RBFOX1: variants seen among roughly 807,000 people sequenced by gnomAD.
RBFOX1 encodes RNA binding fox-1 homolog 1.
Under a neutral mutation model 57.7 loss-of-function variants are expected in RBFOX1, and 8 were observed. That is an observed-to-expected ratio of 0.14 (90% CI 0.08 to 0.25). The LOEUF (loss-of-function observed/expected upper bound fraction) is 0.25. Ranked by LOEUF, RBFOX1 falls within the 10% of genes least tolerant of loss-of-function variation. RBFOX1 has a pLI of 1.00. For missense variants in RBFOX1, 611 were observed against 548.5 expected (o/e 1.11, Z -1.14); for synonymous variants, 326 against 222.4 (o/e 1.47, Z -4.15).
In RBFOX1 at chr16:6,607,576, G is replaced by A. The variant is rs777007807; in HGVS notation, c.-63-47027G>A. Among the ~76,000 whole-genome samples, 177 of 132,012 alleles carry A rather than the reference G, an allele frequency of 1.3e-3. 1 individual carries two copies. Among genetic ancestry groups the A allele is most frequent in the Admixed American group, 2.0e-3 (26 of 12,860 alleles). The allele number at this position is 132,012 out of a possible 152,430, so 86.6% of individuals were successfully genotyped here. On this transcript the variant is annotated intron_variant, in intron 2 of 15. Coordinates refer to ENST00000550418, the MANE Select transcript of RBFOX1 (RefSeq NM_018723.4). Reference sequence around the variant, plus strand: ...CTTTCCCTCTTCCTCCTCTCTCTCCGTCCTGTCTCCCTCCTCTCTCTCTCT... The same window carrying A: ...CTTTCCCTCTTCCTCCTCTCTCTCCATCCTGTCTCCCTCCTCTCTCTCTCT...
chr16:7,249,339 G>A (rs2094427730), intron 4 of RBFOX1, among the ~76,000 whole-genome samples: 1 of 152,074 alleles, frequency 6.6e-6, no homozygotes, highest in Non-Finnish European at 1.5e-5. Context: ...AAGATAGGAG[G>A]AGCCTGGAGG....
At chr16:6,914,495 C>T (rs748811281) in intron 3 of RBFOX1, among the ~76,000 whole-genome samples, 10 of 152,042 alleles carry the variant, frequency 6.6e-5, no homozygotes, top group Non-Finnish European at 1.3e-4. Context: ...CCACCTCCTA[C>T]CTGAGCCACC....
intron 11 of RBFOX1, among the ~76,000 whole-genome samples, chr16:7,650,313 CTTTTT>C (rs35693712): frequency 1.4e-5 from 2 of 138,906 alleles, no homozygotes; most frequent in Admixed American, 7.1e-5. Flanking sequence ...GTGGAACTCT[CTTTTT>C]TTTTTTTTTT....
In RBFOX1 at chr16:6,727,216, C is replaced by T. The variant is rs142164648; in HGVS notation, c.-16+72566C>T. 3.9e-4 allele frequency among the ~76,000 whole-genome samples: 60 copies of T among 152,166 alleles called. 1 individual carries two copies. In the East Asian group the frequency reaches 0.01, roughly 26 times the overall value. On this transcript the variant is annotated intron_variant, in intron 3 of 15. Transcript: ENST00000550418. ...CACTATCCTGCAATTCTGACAATCC[C>T]TCAACCTGCAGACTGGACATTTCTG...
chr16:5,340,822 A>G (rs920346611), intron 1 of RBFOX1, among the ~76,000 whole-genome samples: 3 of 152,176 alleles, frequency 2.0e-5, no homozygotes, highest in Admixed American at 2.0e-4. Flanking sequence ...TGGGAGACAA[A>G]ATGGTAAACA....
At chr16:6,333,321 A>T (rs928839213) in intron 2 of RBFOX1, among the ~76,000 whole-genome samples, 1 of 152,196 alleles carries the variant, frequency 6.6e-6, no homozygotes, top group Non-Finnish European at 1.5e-5. Flanking sequence ...CTGGGATGAC[A>T]GGTGTGAGCC....
chr16:6,292,444 A>T (rs17221054), intron 1 of RBFOX1, among the ~76,000 whole-genome samples: 1 of 151,868 alleles, frequency 6.6e-6, no homozygotes, highest in African/African-American at 2.4e-5. Flanking sequence ...AGAGTTTACC[A>T]AGAAATTAAA....
chr16:7,375,590 C>T (rs757176070), intron 4 of RBFOX1, among the ~76,000 whole-genome samples: 1 of 151,312 alleles, frequency 6.6e-6, no homozygotes, highest in Admixed American at 6.6e-5. Flanking sequence ...ATACTCTTCT[C>T]GATCCCCTAG....
At chr16:5,738,355 G>A (rs1340571436) in intron 3 of RBFOX1, among the ~76,000 whole-genome samples, 1 of 151,914 alleles carries the variant, frequency 6.6e-6, no homozygotes, top group Non-Finnish European at 1.5e-5. Context: ...GTATAGCCCA[G>A]GTGCGGTGGC....
chr16:6,938,015 G>T (rs767877157), intron 3 of RBFOX1, among the ~76,000 whole-genome samples: 1 of 151,362 alleles, frequency 6.6e-6, no homozygotes, highest in Admixed American at 6.6e-5. Flanking sequence ...TTTATTTTTG[G>T]TTTACGCAAG....
At position 5,947,226 on chromosome 16, in the gene RBFOX1, C is replaced by G. The variant is rs2059418100; in HGVS notation, c.351+79891C>G. Among the ~76,000 whole-genome samples the G allele has an allele frequency of 6.6e-6, 1 of 152,076 alleles. No individual in the cohort carries two copies. The highest frequency in any genetic ancestry group is 2.4e-5 in the African/African-American group (1 of 41,406). Reference sequence around the variant, plus strand: ...GTGAGACTCTGTCTCTAAAACAAAACAAACCAGAAGAAAGGCTACTAAGGC... The same window carrying G: ...GTGAGACTCTGTCTCTAAAACAAAAGAAACCAGAAGAAAGGCTACTAAGGC... On this transcript the variant is annotated intron_variant, in intron 4 of 19. Transcript: ENST00000641259. This position sits in a 1 kb window ranked among gnomAD's most constrained non-coding sequence, Gnocchi z 7.2.
At chr16:6,259,885 C>T (rs1480758445) in intron 1 of RBFOX1, among the ~76,000 whole-genome samples, 4 of 150,084 alleles carry the variant, frequency 2.7e-5, no homozygotes, top group Non-Finnish European at 4.4e-5. Context: ...TGCTTGAACC[C>T]GAGAGATGGA....
intron 1 of RBFOX1, among the ~76,000 whole-genome samples, chr16:5,347,289 T>C (rs2070366901): frequency 6.6e-6 from 1 of 152,190 alleles, no homozygotes; most frequent in Non-Finnish European, 1.5e-5. Flanking sequence ...GTGCTGTATA[T>C]GTGCATGTAG....
chr16:6,960,359 G>A (rs891473778), intron 3 of RBFOX1, among the ~76,000 whole-genome samples: 3 of 152,140 alleles, frequency 2.0e-5, no homozygotes, highest in African/African-American at 7.2e-5. Context: ...CTTAGAAGCT[G>A]TATAAGCTCT....
intron 1 of RBFOX1, among the ~76,000 whole-genome samples, chr16:6,166,061 A>G (rs572052459): frequency 6.6e-6 from 1 of 152,228 alleles, no homozygotes. Context: ...AAGGGCCGCA[A>G]TTCTCAGAGT....
chr16:6,242,402 A>G (rs1377604014), intron 1 of RBFOX1, among the ~76,000 whole-genome samples: 1 of 151,204 alleles, frequency 6.6e-6, no homozygotes. Flanking sequence ...ATTTTATTTT[A>G]TTTTTTTGTG....
intron 4 of RBFOX1, among the ~76,000 whole-genome samples, chr16:5,944,978 A>AAAAAC (rs2059368846): frequency 7.5e-6 from 1 of 134,152 alleles, no homozygotes; most frequent in African/African-American, 2.9e-5. Context: ...AAAAAAAAAA[A>AAAAAC]AAAAAAAAAA....
At chr16:6,827,080 G>C (rs987338553) in intron 3 of RBFOX1, among the ~76,000 whole-genome samples, 2 of 152,100 alleles carry the variant, frequency 1.3e-5, no homozygotes, top group African/African-American at 2.4e-5. Context: ...AGATTTCTTT[G>C]CACATACTTA....
upstream of RBFOX1, among the ~76,000 whole-genome samples, chr16:6,014,963 C>T (rs2094984521): frequency 6.6e-6 from 1 of 151,790 alleles, no homozygotes; most frequent in African/African-American, 2.4e-5. Flanking sequence ...TTAAGCAATC[C>T]CCCCACCTCA....
Sources: allele counts gnomAD v4.1 joint callset (sites outside exome capture counted in the v4.1 genomes callset), GRCh38; gene constraint gnomAD v4.1.1; non-coding constraint Gnocchi (gnomAD v3.1); transcripts MANE v1.5; gene names NCBI Gene and HGNC (gene_info 2026-07-23, HGNC 2026-07-21).